CFTR: variants seen among roughly 807,000 people sequenced by gnomAD.
CFTR encodes the protein CF transmembrane conductance regulator, also known as cystic fibrosis transmembrane conductance regulator.
In CFTR, 181 loss-of-function variants were observed where a neutral mutation model predicts 171.6. The observed-to-expected ratio is 1.05, with a 90% CI of 0.93 to 1.19. The LOEUF is 1.19. Ranked by LOEUF, CFTR falls within the 50% of genes most tolerant of loss-of-function variation. The pLI is 0.00. For missense variants in CFTR, 1,968 were observed against 1,734.7 expected (o/e 1.13, Z -2.39); for synonymous variants, 583 against 608.0 (o/e 0.96, Z 0.60).
intron 21 of CFTR, among the ~76,000 whole-genome samples, chr7:117,619,302 A>C (rs1321943202): frequency 3.9e-5 from 6 of 152,226 alleles, no homozygotes; most frequent in Admixed American, 3.9e-4. Flanking sequence ...TCCTATCTGT[A>C]TGAAAAAATA....
chr7:117,656,326 C>T (rs1793183130), intron 24 of CFTR, among the ~76,000 whole-genome samples: 1 of 152,140 alleles, frequency 6.6e-6, no homozygotes, highest in South Asian at 2.1e-4. Context: ...AGAACACCTG[C>T]AAATGACAAT....
intron 23 of CFTR, among the ~76,000 whole-genome samples, chr7:117,651,261 G>A (rs1208338856): frequency 1.3e-5 from 2 of 151,990 alleles, no homozygotes; most frequent in Non-Finnish European, 2.9e-5. Context: ...AATAATGCTA[G>A]AAACCTTTTA....
At chr7:117,595,921 AACAAAAAC>A (rs1307775989) in intron 15 of CFTR, among the ~76,000 whole-genome samples, 2 of 152,334 alleles carry the variant, frequency 1.3e-5, no homozygotes, top group East Asian at 3.9e-4. Flanking sequence ...AAACAGCAAC[AACAAAAAC>A]ACTCAAAGCA....
chr7:117,654,317 G>C (rs763829910), intron 24 of CFTR, among the ~76,000 whole-genome samples: 1 of 152,196 alleles, frequency 6.6e-6, no homozygotes, highest in Non-Finnish European at 1.5e-5. Flanking sequence ...CTGGGTTCTT[G>C]AAATCTAGGT....
At chr7:117,656,552 T>C (rs35657815) in intron 24 of CFTR, among the ~76,000 whole-genome samples, 3 of 152,188 alleles carry the variant, frequency 2.0e-5, no homozygotes, top group African/African-American at 4.8e-5. Flanking sequence ...GAGAGCATTA[T>C]ACAGAGGAAT....
At position 117,597,787 on chromosome 7, in the gene CFTR, C is replaced by A. The variant is rs1480841486; in HGVS notation, c.2619+2729C>A. Among the ~76,000 whole-genome samples the A allele has an allele frequency of 4.0e-5, 6 of 151,316 alleles. No homozygotes were observed. In the East Asian group the frequency reaches 9.7e-4, roughly 24 times the overall value. On this transcript the variant is annotated intron_variant, in intron 15 of 26. Transcript: ENST00000003084. ...CCCCATTGTGGTTTCTTTACCAAGC[C>A]TCTACTGTTCTTCACATCACCAAGT...
At chr7:117,603,241 T>C (rs1280974714) in intron 16 of CFTR, among the ~76,000 whole-genome samples, 3 of 152,210 alleles carry the variant, frequency 2.0e-5, no homozygotes, top group Admixed American at 6.5e-5. Context: ...CTAAAGAATA[T>C]AGTTCTGTTC....
At chr7:117,606,640 T>C (rs889232357) in intron 17 of CFTR, 34 bp from the exon 18 acceptor site, 1 of 1,181,186 alleles carries the variant, frequency 8.5e-7, no homozygotes, top group Non-Finnish European at 1.3e-6. Context: ...AAAATTAGTG[T>C]TTTTTGAGGA....
At chr7:117,650,398 G>A (rs1793072571) in intron 23 of CFTR, among the ~76,000 whole-genome samples, 1 of 152,124 alleles carries the variant, frequency 6.6e-6, no homozygotes, top group Non-Finnish European at 1.5e-5. Context: ...TAGGGGTAGA[G>A]TAGCTTTGAG....
intron 3 of CFTR, among the ~76,000 whole-genome samples, chr7:117,517,071 TATC>T (rs1323171293): frequency 6.6e-6 from 1 of 152,158 alleles, no homozygotes; most frequent in Admixed American, 6.6e-5. Context: ...GAAAAGAAAC[TATC>T]ATCAGAGTGA....
chr7:117,549,091 A>T (rs1799223306), intron 10 of CFTR, among the ~76,000 whole-genome samples: 1 of 152,268 alleles, frequency 6.6e-6, no homozygotes, highest in African/African-American at 2.4e-5. Context: ...CATGGCGAGC[A>T]TTCAATAACT....
chr7:117,495,630 A>G (rs1798225032), intron 1 of CFTR, among the ~76,000 whole-genome samples: 1 of 152,180 alleles, frequency 6.6e-6, no homozygotes, highest in Non-Finnish European at 1.5e-5. Flanking sequence ...AACAATTTAC[A>G]CAACTCATGG....
intron 24 of CFTR, among the ~76,000 whole-genome samples, chr7:117,658,903 C>T (rs1252859099): frequency 6.6e-6 from 1 of 152,172 alleles, no homozygotes; most frequent in African/African-American, 2.4e-5. Flanking sequence ...CCAAACCCCA[C>T]ATCTGATCAC....
Position 117,667,281 on chromosome 7 carries a change from T to C in CFTR, c.*173T>C. 3 of 667,844 alleles carry C rather than the reference T, an allele frequency of 4.5e-6. No homozygotes were observed. The highest frequency in any genetic ancestry group is 5.4e-6 in the Non-Finnish European group (2 of 369,342). The allele number at this position is 667,844 out of a possible 1,614,324, so 41.4% of individuals were successfully genotyped here. On this transcript the variant is annotated 3_prime_UTR_variant, in exon 27 of 27. Coordinates refer to ENST00000003084, the MANE Select transcript of CFTR (RefSeq NM_000492.4). ...TGGTAAGGGGAATTGAGGACACTGA[T>C]ATGGGTCTTGATAAATGGCTTCCTG...
At chr7:117,538,426 T>G (rs890821886) in intron 7 of CFTR, among the ~76,000 whole-genome samples, 1 of 152,222 alleles carries the variant, frequency 6.6e-6, no homozygotes, top group African/African-American at 2.4e-5. Context: ...TTCTGGGTGA[T>G]TCTTACAAAT....
At chr7:117,499,787 C>G (rs1469258189) in intron 1 of CFTR, among the ~76,000 whole-genome samples, 1 of 151,560 alleles carries the variant, frequency 6.6e-6, no homozygotes, top group African/African-American at 2.4e-5. Flanking sequence ...GAGATCCTAT[C>G]TCTACAAAAA....
Position 117,610,523 on chromosome 7 carries a change from TATTA to T in CFTR, c.2997_3000del (p.Ile1000Ter), listed in dbSNP as rs397508472. ...ATGTTTTCTTTGATCTTACAGTTGT[TATTA>T]ATTGTGATTGGAGCTATAGCAGTTG... On this transcript the variant is annotated frameshift_variant, in exon 19 of 27. Transcript: ENST00000003084. LOFTEE classifies it high-confidence loss of function. 1 of 1,613,160 alleles carries T rather than the reference TATTA, an allele frequency of 6.2e-7. No individual in the cohort carries two copies. The highest frequency in any genetic ancestry group is 1.1e-5 in the South Asian group (1 of 91,056).
intron 1 of CFTR, among the ~76,000 whole-genome samples, chr7:117,497,005 A>G (rs1798251388): frequency 1.3e-5 from 2 of 151,636 alleles, no homozygotes; most frequent in African/African-American, 4.8e-5. Flanking sequence ...AATTTTGATA[A>G]TTTCCAATTT....
At chr7:117,611,380 A>G (rs1245752537) in intron 19 of CFTR, among the ~76,000 whole-genome samples, 6 of 152,192 alleles carry the variant, frequency 3.9e-5, no homozygotes, top group African/African-American at 1.2e-4. Flanking sequence ...CTGGTAGCCA[A>G]GTAAAAAAAG....
Sources: allele counts gnomAD v4.1 joint callset (sites outside exome capture counted in the v4.1 genomes callset), GRCh38; gene constraint gnomAD v4.1.1; transcripts MANE v1.5; gene names NCBI Gene and HGNC (gene_info 2026-07-23, HGNC 2026-07-21).